GCNT1: variants seen among roughly 807,000 people sequenced by gnomAD.
The protein encoded by GCNT1 is beta-1,3-galactosyl-O-glycosyl-glycoprotein beta-1,6-N-acetylglucosaminyltransferase.
Under a neutral mutation model 26.2 loss-of-function variants are expected in GCNT1, and 16 were observed. The ratio of observed to expected loss-of-function variants is 0.61; its 90% CI spans 0.41 to 0.93. GCNT1 has a LOEUF of 0.93. GCNT1 is among the 40% of genes least tolerant of loss of function. The probability of loss-of-function intolerance (pLI) is 0.00; values close to 1 mark genes in which losing one functional copy is unlikely to be tolerated. For synonymous variants in GCNT1, 183 were observed against 190.8 expected (o/e 0.96, Z 0.34); for missense variants, 477 against 526.7 (o/e 0.91, Z 0.92).
chr9:76,457,973 C>T (rs1823787018), upstream of GCNT1, among the ~76,000 whole-genome samples: 1 of 151,890 alleles, frequency 6.6e-6, no homozygotes, highest in Non-Finnish European at 1.5e-5. Context: ...TTTTTCTTTT[C>T]TGTGATACCC....
chr9:76,477,461 G>T (rs1824279918), intron 2 of GCNT1, among the ~76,000 whole-genome samples: 2 of 151,910 alleles, frequency 1.3e-5, no homozygotes, highest in African/African-American at 4.8e-5. Context: ...GGGAGGCAGA[G>T]GTTGCAGTGA....
chr9:76,504,852 G>GT lies in GCNT1; in HGVS notation c.*1185dup, dbSNP rs368910141. The stretch of plus-strand genomic sequence containing the variant: ...AACCTTCCACGAGGAGGAAAGAAGT[G>GT]TGCAGTCATTCCACATGGCCTGTTG... On this transcript the variant is annotated 3_prime_UTR_variant, in exon 4 of 4. Coordinates refer to ENST00000376730, the MANE Select transcript of GCNT1 (RefSeq NM_001490.5). 408 of 413,470 alleles carry GT rather than the reference G, an allele frequency of 9.9e-4. 1 individual carries two copies. The highest frequency in any genetic ancestry group is 7.6e-3 in the African/African-American group (371 of 48,732). The allele number at this position is 413,470 out of a possible 1,614,324, so 25.6% of individuals were successfully genotyped here.
chr9:76,480,807 T>C lies in GCNT1; in HGVS notation c.-289-20109T>C, dbSNP rs143157429. Among the ~76,000 whole-genome samples, 533 of 152,338 alleles carry C rather than the reference T, an allele frequency of 3.5e-3. 2 individuals carry two copies. Among genetic ancestry groups the C allele is most frequent in the African/African-American group, 0.011 (471 of 41,586 alleles). On this transcript the variant is annotated intron_variant, in intron 2 of 3. Coordinates refer to ENST00000376730, the MANE Select transcript of GCNT1 (RefSeq NM_001490.5). ...TTAATTCAGGCATGGAGAACTGATA[T>C]TTTTTCTTCTGTATGTAAACTACAC... is the stretch of plus-strand genomic sequence containing the variant.
chr9:76,504,682 G>A lies in GCNT1; in HGVS notation c.*1014G>A, dbSNP rs1029102612. 4.1e-5 allele frequency: 17 copies of A among 412,932 alleles called. No individual in the cohort carries two copies. The highest frequency in any genetic ancestry group is 7.5e-5 in the Non-Finnish European group (17 of 226,104). 25.6% of individuals were successfully genotyped at this position (412,932 alleles called of 1,614,324 possible). A position where few individuals can be genotyped will look rare whatever the true frequency, so the allele number is the denominator to read the frequency against. On this transcript the variant is annotated 3_prime_UTR_variant, in exon 4 of 4. Transcript: ENST00000376730. ...CATTGACACCATCCCCAAAATTAAGGCTGTCGCTTATTGAATCCACTTGTG... is the reference window on the plus strand; with the variant it reads ...CATTGACACCATCCCCAAAATTAAGACTGTCGCTTATTGAATCCACTTGTG...
At chr9:76,484,340 A>C (rs1326082217) in intron 2 of GCNT1, among the ~76,000 whole-genome samples, 3 of 151,888 alleles carry the variant, frequency 2.0e-5, no homozygotes, top group African/African-American at 7.3e-5. Flanking sequence ...ATTGTACTAC[A>C]GACTGGGTGA....
intron 2 of GCNT1, among the ~76,000 whole-genome samples, chr9:76,481,610 T>C (rs1368772810): frequency 6.6e-6 from 1 of 152,148 alleles, no homozygotes; most frequent in Admixed American, 6.5e-5. Flanking sequence ...TATCACTACC[T>C]GTAAGGCTTT....
At chr9:76,498,848 A>G (rs1351246273) in intron 2 of GCNT1, among the ~76,000 whole-genome samples, 1 of 152,086 alleles carries the variant, frequency 6.6e-6, no homozygotes, top group Non-Finnish European at 1.5e-5. Context: ...ATCATCATAA[A>G]TTAATGTAGC....
In GCNT1 at chr9:76,502,889, G is replaced by A. The variant is rs773075818; in HGVS notation, c.508G>A (p.Ala170Thr). The stretch of plus-strand genomic sequence containing the variant: ...CTATTTAGCTGCAGTGATGGGCATC[G>A]CTTCCTGTTTTAGTAATGTCTTTGT... ...DSYLAAVMGI[A>T]SCFSNVFVAS... Residue 170 changes from alanine (A) to threonine (T), a missense_variant, in exon 4 of 4, where the codon GCT (alanine) becomes ACT (threonine). Ala to Thr is a moderately conservative substitution (Grantham distance 58, BLOSUM62 0). Coordinates refer to ENST00000376730, the MANE Select transcript of GCNT1 (RefSeq NM_001490.5). The A allele has an allele frequency of 2.0e-5, 32 of 1,613,714 alleles. No homozygotes were observed. Among genetic ancestry groups the A allele is most frequent in the Middle Eastern group, 1.6e-4 (1 of 6,084 alleles).
the GCNT1 span, among the ~76,000 whole-genome samples, chr9:76,414,674 C>T: frequency 6.6e-6 from 1 of 152,150 alleles, no homozygotes; most frequent in African/African-American, 2.4e-5. Flanking sequence ...CCAGAAGTTG[C>T]CATGGCATTT....
upstream of GCNT1, among the ~76,000 whole-genome samples, chr9:76,436,899 A>G (rs1823417940): frequency 6.6e-6 from 1 of 152,110 alleles, no homozygotes; most frequent in African/African-American, 2.4e-5. Flanking sequence ...ATAGGTGGGA[A>G]TTGAACAATG....
At chr9:76,394,460 C>T in the GCNT1 span, 12 of 323,030 alleles carry the variant, frequency 3.7e-5, no homozygotes, top group South Asian at 5.5e-5. Flanking sequence ...GAGGGGGCGG[C>T]CCGAAGCGCA....
chr9:76,419,263 A>C (rs901317793), upstream of GCNT1, among the ~76,000 whole-genome samples: 3 of 152,194 alleles, frequency 2.0e-5, no homozygotes, highest in African/African-American at 4.8e-5. Flanking sequence ...TATACACTCC[A>C]TGACAACAGA....
At chr9:76,476,394 A>G (rs1824252170) in intron 2 of GCNT1, among the ~76,000 whole-genome samples, 1 of 151,860 alleles carries the variant, frequency 6.6e-6, no homozygotes, top group African/African-American at 2.4e-5. Flanking sequence ...GTGGTGTTCT[A>G]TTTGGTATTA....
At chr9:76,441,352 G>T (rs1823481751), upstream of GCNT1, among the ~76,000 whole-genome samples, 1 of 151,962 alleles carries the variant, frequency 6.6e-6, no homozygotes, top group African/African-American at 2.4e-5. Flanking sequence ...TACCATGTTG[G>T]CCAGGCTGGT....
chr9:76,421,196 G>A (rs1464503562), intron 1 of GCNT1, among the ~76,000 whole-genome samples: 1 of 152,112 alleles, frequency 6.6e-6, no homozygotes, highest in Admixed American at 6.5e-5. Context: ...AAAGCACTGA[G>A]GCAAATCAAA....
the GCNT1 span, among the ~76,000 whole-genome samples, chr9:76,403,262 T>C: frequency 6.6e-6 from 1 of 152,334 alleles, no homozygotes; most frequent in Admixed American, 6.5e-5. Context: ...GGTGTGATGA[T>C]TACTAATTTT....
intron 2 of GCNT1, among the ~76,000 whole-genome samples, chr9:76,464,094 A>G (rs1823944351): frequency 6.8e-6 from 1 of 147,084 alleles, no homozygotes; most frequent in African/African-American, 2.5e-5. Context: ...GATTAGTAGG[A>G]GTTAGTGAAG....
intron 2 of GCNT1, among the ~76,000 whole-genome samples, chr9:76,473,727 C>T (rs1824191415): frequency 6.6e-6 from 1 of 152,210 alleles, no homozygotes; most frequent in Non-Finnish European, 1.5e-5. Flanking sequence ...ACTCCCAGGT[C>T]TCCTGCTGGG....
Position 76,503,518 on chromosome 9 carries a change from A to G in GCNT1, c.1137A>G (p.Ser379=), listed in dbSNP as rs1374960098. 1 of 1,614,180 alleles carries G rather than the reference A, an allele frequency of 6.2e-7. No homozygotes were observed. Among genetic ancestry groups the G allele is most frequent in the Admixed American group, 1.7e-5 (1 of 60,018 alleles). The change falls in exon 4 of 4, where the codon TCA becomes TCG. Residue 379 remains serine, a synonymous_variant. Transcript: ENST00000376730. The stretch of plus-strand genomic sequence containing the variant: ...CCTGCGATGGAGTCCATGTGCGCTC[A>G]GTGTGCATTTTCGGAGCTGGTGACT... The part of the protein sequence containing the change: ...YPPCDGVHVR[S]VCIFGAGDLN...
Sources: gnomAD v4.1 joint callset for allele counts (sites outside exome capture counted in the v4.1 genomes callset) on GRCh38, gnomAD v4.1.1 for gene constraint, MANE v1.5 for transcripts, NCBI Gene and HGNC (gene_info 2026-07-23, HGNC 2026-07-21) for gene names.